Variants in ZMYM2 observed in about 807,000 individuals in gnomAD.
ZMYM2 encodes zinc finger MYM-type containing 2.
In ZMYM2, 56 loss-of-function variants were observed where a neutral mutation model predicts 162.8. That is an observed-to-expected ratio of 0.34 (90% CI 0.28 to 0.43). The LOEUF (loss-of-function observed/expected upper bound fraction) is 0.43, where lower values mean the gene tolerates loss of function less well. Ranked by LOEUF, ZMYM2 falls within the 20% of genes least tolerant of loss-of-function variation. The pLI, the probability that ZMYM2 is intolerant of heterozygous loss-of-function variation, is 1.00. For missense variants in ZMYM2, 1,275 were observed against 1,621.8 expected, an observed-to-expected ratio of 0.79 and a Z score of 3.67; for synonymous variants, 510 against 541.6, an observed-to-expected ratio of 0.94 and a Z score of 0.81.
rs1397150911 is a variant in ZMYM2 at position 20,086,605 on chromosome 13, A to G, written c.*591A>G. 1.0e-5 allele frequency: 2 copies of G among 200,258 alleles called. No homozygotes were observed. The highest frequency in any genetic ancestry group is 4.6e-5 in the African/African-American group (2 of 43,440). The allele number at this position is 200,258 out of a possible 1,614,324, so 12.4% of individuals were successfully genotyped here. On this transcript the variant is annotated 3_prime_UTR_variant, in exon 25 of 25. Transcript: ENST00000610343. The stretch of plus-strand genomic sequence containing the variant: ...TTCTGTACCAAAAATAGACAAGAGA[A>G]TGCTGTCAATATTGGTGTACTGTAA...
the ZMYM2 span, among the ~76,000 whole-genome samples, chr13:19,887,267 G>GT: frequency 6.6e-6 from 1 of 151,766 alleles, no homozygotes; most frequent in Non-Finnish European, 1.5e-5. Context: ...GGTGGCTCAC[G>GT]TATGTAATCC....
chr13:20,015,312 G>A (rs1281399975), intron 6 of ZMYM2, among the ~76,000 whole-genome samples: 1 of 152,018 alleles, frequency 6.6e-6, no homozygotes, highest in Non-Finnish European at 1.5e-5. Context: ...ATTGCTCATT[G>A]GAAAGATACT....
intron 21 of ZMYM2, 96 bp downstream of exon 21, chr13:20,067,486 C>A: frequency 8.1e-7 from 1 of 1,228,510 alleles, no homozygotes; most frequent in Non-Finnish European, 1.1e-6. Flanking sequence ...TATTGACTTA[C>A]CAAGAAACAC....
At chr13:20,008,791 G>A (rs1247399493) in intron 6 of ZMYM2, among the ~76,000 whole-genome samples, 1 of 151,896 alleles carries the variant, frequency 6.6e-6, no homozygotes, top group South Asian at 2.1e-4. Flanking sequence ...TTATAAAAAT[G>A]TCCAGAGGAA....
rs1279330104 is a variant in ZMYM2 at position 20,085,933 on chromosome 13, G to A, written c.4053G>A (p.Leu1351=). 3.1e-6 allele frequency: 5 copies of A among 1,613,588 alleles called. No individual in the cohort carries two copies. In the African/African-American group the frequency reaches 4.0e-5, roughly 13 times the overall value. The change falls in exon 25 of 25, where the codon TTG becomes TTA. Residue 1351 remains leucine, a synonymous_variant. Coordinates refer to ENST00000610343, the MANE Select transcript of ZMYM2 (RefSeq NM_197968.4). The part of the protein sequence containing the change: ...YTSTSLDRNT[L]ENMLVRVLLV... ...CTACTTCACTGGACCGAAACACCTT[G>A]GAAAATATGCTTGTACGGGTTCTTC...
intron 2 of ZMYM2, among the ~76,000 whole-genome samples, chr13:19,991,260 T>G (rs936980597): frequency 3.3e-5 from 5 of 152,048 alleles, no homozygotes; most frequent in African/African-American, 1.2e-4. Context: ...ACTACAGATG[T>G]GCGCCACCAT....
chr13:19,879,682 C>A, the ZMYM2 span, among the ~76,000 whole-genome samples: 50 of 152,234 alleles, frequency 3.3e-4, no homozygotes, highest in African/African-American at 1.2e-3. Flanking sequence ...CTACAAAAGA[C>A]GTAATTGGGA....
intron 21 of ZMYM2, among the ~76,000 whole-genome samples, chr13:20,067,845 A>C (rs969958347): frequency 2.0e-5 from 3 of 152,218 alleles, no homozygotes; most frequent in African/African-American, 7.2e-5. Context: ...ATCAACTTTA[A>C]ATAATGACCT....
At chr13:20,056,495 T>G (rs939141385) in intron 14 of ZMYM2, among the ~76,000 whole-genome samples, 31 of 152,106 alleles carry the variant, frequency 2.0e-4, no homozygotes, top group African/African-American at 7.5e-4. Context: ...GTGTACCACA[T>G]GAGGGAGCTT....
chr13:20,063,113 G>A, intron 18 of ZMYM2, 142 bp downstream of exon 18: 1 of 1,060,536 alleles, frequency 9.4e-7, no homozygotes, highest in Non-Finnish European at 1.3e-6. Context: ...CACCTTAAGA[G>A]TTAACTTCAT....
intron 24 of ZMYM2, among the ~76,000 whole-genome samples, chr13:20,084,594 G>A (rs906962587): frequency 2.6e-5 from 4 of 152,192 alleles, no homozygotes; most frequent in African/African-American, 9.7e-5. Flanking sequence ...GGAAATGTAA[G>A]TGAAGTATTT....
At chr13:19,902,736 A>G in the ZMYM2 span, among the ~76,000 whole-genome samples, 6 of 151,294 alleles carry the variant, frequency 4.0e-5, no homozygotes, top group Non-Finnish European at 7.4e-5. Context: ...AAATTAGCCA[A>G]ATACGATGGG....
At chr13:19,920,362 G>A in the ZMYM2 span, among the ~76,000 whole-genome samples, 1 of 152,084 alleles carries the variant, frequency 6.6e-6, no homozygotes, top group Admixed American at 6.6e-5. Context: ...TCTCAGACCC[G>A]ATTTGGCTTG....
At chr13:20,007,298 G>A (rs1235259836) in intron 6 of ZMYM2, among the ~76,000 whole-genome samples, 5 of 151,926 alleles carry the variant, frequency 3.3e-5, no homozygotes, top group African/African-American at 1.2e-4. Flanking sequence ...ACCACACCCG[G>A]CTAATTTTTT....
chr13:19,866,129 G>A, the ZMYM2 span, among the ~76,000 whole-genome samples: 4 of 151,994 alleles, frequency 2.6e-5, no homozygotes, highest in Non-Finnish European at 5.9e-5. Flanking sequence ...GGCTGAGGCA[G>A]GAGAATCACT....
chr13:20,002,173 A>G (rs1950441745), intron 3 of ZMYM2, among the ~76,000 whole-genome samples: 1 of 152,164 alleles, frequency 6.6e-6, no homozygotes, highest in Admixed American at 6.5e-5. Context: ...ATAATTATAA[A>G]CTTTATTAGA....
At chr13:20,015,981 G>A (rs1048151470) in intron 6 of ZMYM2, among the ~76,000 whole-genome samples, 8 of 151,828 alleles carry the variant, frequency 5.3e-5, no homozygotes, top group African/African-American at 1.9e-4. Context: ...CCTTTTGATT[G>A]GATAATTTGA....
At chr13:19,951,122 G>T in the ZMYM2 span, among the ~76,000 whole-genome samples, 2 of 152,202 alleles carry the variant, frequency 1.3e-5, no homozygotes, top group African/African-American at 4.8e-5. Flanking sequence ...GAAGCCAAAA[G>T]ATTGGACACC....
chr13:19,943,265 T>C, the ZMYM2 span, among the ~76,000 whole-genome samples: 74 of 152,306 alleles, frequency 4.9e-4, no homozygotes, highest in South Asian at 3.7e-3. Context: ...ATCAGTCATA[T>C]TGGATTAGGG....
Sources: allele counts gnomAD v4.1 joint callset (sites outside exome capture counted in the v4.1 genomes callset), GRCh38; gene constraint gnomAD v4.1.1; transcripts MANE v1.5; gene names NCBI Gene and HGNC (gene_info 2026-07-23, HGNC 2026-07-21).